Variants in RORA observed in about 807,000 individuals in gnomAD.
RORA encodes nuclear receptor ROR-alpha.
Under a neutral mutation model 69.5 loss-of-function variants are expected in RORA, and 7 were observed. The ratio of observed to expected loss-of-function variants is 0.10; its 90% CI spans 0.06 to 0.19. The LOEUF (loss-of-function observed/expected upper bound fraction) is 0.19, where lower values mean the gene tolerates loss of function less well. Ranked by LOEUF, RORA falls within the 10% of genes least tolerant of loss-of-function variation. RORA has a pLI of 1.00. For synonymous variants in RORA, 261 were observed against 240.8 expected (o/e 1.08, Z -0.78); for missense variants, 457 against 663.0 (o/e 0.69, Z 3.41).
chr15:60,809,913 T>TATCA (rs2072718603), intron 1 of RORA, among the ~76,000 whole-genome samples: 1 of 152,198 alleles, frequency 6.6e-6, no homozygotes, highest in East Asian at 1.9e-4. Flanking sequence ...TCAGGTGTTC[T>TATCA]ATCAGTTTCA....
intron 1 of RORA, among the ~76,000 whole-genome samples, chr15:60,876,743 C>A (rs1012572822): frequency 2.0e-5 from 3 of 152,134 alleles, no homozygotes; most frequent in African/African-American, 7.2e-5. Context: ...TATGGGACAT[C>A]TTCTATGCCT....
intron 1 of RORA, among the ~76,000 whole-genome samples, chr15:61,143,585 T>A (rs970206106): frequency 2.0e-5 from 3 of 152,176 alleles, no homozygotes; most frequent in Non-Finnish European, 4.4e-5. Context: ...CCAACAATCT[T>A]CTGAGGGAAA....
chr15:61,006,820 G>A (rs1470709817), intron 1 of RORA, among the ~76,000 whole-genome samples: 1 of 152,012 alleles, frequency 6.6e-6, no homozygotes, highest in Admixed American at 6.6e-5. Context: ...TTGAATTATT[G>A]TCCTTGGTTT....
chr15:60,628,519 T>C (rs1421329964), intron 2 of RORA, among the ~76,000 whole-genome samples: 1 of 152,168 alleles, frequency 6.6e-6, no homozygotes, highest in Non-Finnish European at 1.5e-5. Context: ...GTATGTTTAC[T>C]GCACCCAGCT....
chr15:60,867,472 C>T (rs942705501), intron 1 of RORA, among the ~76,000 whole-genome samples: 1 of 152,120 alleles, frequency 6.6e-6, no homozygotes, highest in Non-Finnish European at 1.5e-5. Context: ...GGAAAAGAAA[C>T]GCACACATCA....
chr15:60,635,628 C>T (rs1364044886), intron 2 of RORA, among the ~76,000 whole-genome samples: 3 of 152,136 alleles, frequency 2.0e-5, no homozygotes, highest in South Asian at 2.1e-4. Context: ...AGGGAAAGAA[C>T]ACTTTAAAAG....
At chr15:61,034,831 T>G (rs1263392545) in intron 1 of RORA, among the ~76,000 whole-genome samples, 1 of 146,458 alleles carries the variant, frequency 6.8e-6, no homozygotes, top group East Asian at 2.0e-4. Context: ...GGAAGTAGTG[T>G]TACATACTTG....
intron 1 of RORA, among the ~76,000 whole-genome samples, chr15:60,767,624 A>G (rs140325462): frequency 4.0e-5 from 6 of 151,892 alleles, no homozygotes; most frequent in African/African-American, 7.3e-5. Flanking sequence ...CTGAAACTCA[A>G]CTCTGCTCTA....
At chr15:60,991,828 C>T (rs934927014) in intron 1 of RORA, among the ~76,000 whole-genome samples, 1 of 151,970 alleles carries the variant, frequency 6.6e-6, no homozygotes, top group African/African-American at 2.4e-5. Context: ...ATTGCTTGAT[C>T]CCAGGAGGTC....
intron 1 of RORA, among the ~76,000 whole-genome samples, chr15:60,692,463 G>A (rs79884741): frequency 0.011 from 1,636 of 152,224 alleles, 31 homozygotes; most frequent in African/African-American, 0.038. Context: ...GAACACAATA[G>A]CAATCACAAA....
chr15:60,513,806 G>A (rs1004387905), intron 4 of RORA, among the ~76,000 whole-genome samples: 1 of 152,194 alleles, frequency 6.6e-6, no homozygotes, highest in Non-Finnish European at 1.5e-5. Flanking sequence ...AGCCTGCTCC[G>A]CATTCTGAAG....
At chr15:60,679,230 A>G (rs2070604635) in intron 1 of RORA, among the ~76,000 whole-genome samples, 1 of 152,232 alleles carries the variant, frequency 6.6e-6, no homozygotes, top group African/African-American at 2.4e-5. Flanking sequence ...AAGGTCAGAA[A>G]GGGAATCACT....
At chr15:61,103,568 A>T (rs2078910443) in intron 1 of RORA, among the ~76,000 whole-genome samples, 1 of 152,034 alleles carries the variant, frequency 6.6e-6, no homozygotes, top group African/African-American at 2.4e-5. Context: ...GTGCCCACAG[A>T]GTGTCTGGCT....
At chr15:60,886,347 ATGT>A (rs1427395916) in intron 1 of RORA, among the ~76,000 whole-genome samples, 1 of 152,154 alleles carries the variant, frequency 6.6e-6, no homozygotes, top group Non-Finnish European at 1.5e-5. Context: ...GCCCCTGGAT[ATGT>A]TTCCCATCTC....
In RORA at chr15:61,131,408, A is replaced by C. The variant is rs1375757636; in HGVS notation, c.166+97645T>G. Among the ~76,000 whole-genome samples, 1 of 152,186 alleles carries C rather than the reference A, an allele frequency of 6.6e-6. No individual in the cohort carries two copies. On this transcript the variant is annotated intron_variant, in intron 1 of 10. Coordinates refer to ENST00000335670, the MANE Select transcript of RORA (RefSeq NM_134261.3). The surrounding 1 kb of genome is among the most constrained non-coding windows in gnomAD (Gnocchi z 4.2). Reference sequence around the variant, plus strand: ...GATTTCAGCAGCATTTGCTGGAGCAAGGTGACTCCAGCATTTCTCTAGAGG... The same window carrying C: ...GATTTCAGCAGCATTTGCTGGAGCACGGTGACTCCAGCATTTCTCTAGAGG...
intron 1 of RORA, among the ~76,000 whole-genome samples, chr15:61,116,079 C>G (rs1168371810): frequency 6.6e-6 from 1 of 152,054 alleles, no homozygotes; most frequent in Non-Finnish European, 1.5e-5. Context: ...AAAAAACAAA[C>G]AAACAAACAA....
chr15:60,818,659 GCA>G (rs2072849052), intron 1 of RORA, among the ~76,000 whole-genome samples: 1 of 152,204 alleles, frequency 6.6e-6, no homozygotes. Flanking sequence ...AAGAAACTTA[GCA>G]CACAGCTAAA....
In RORA at chr15:61,209,359, T is replaced by A. The variant is rs1246867727; in HGVS notation, c.166+19694A>T. On this transcript the variant is annotated intron_variant, in intron 1 of 10. Coordinates refer to ENST00000335670, the MANE Select transcript of RORA (RefSeq NM_134261.3). ...GTTTCACTACTGTGATTTCAAACAG[T>A]ACAGGAATAGGAAGAGAGGTGACCA... 2.6e-5 allele frequency among the ~76,000 whole-genome samples: 4 copies of A among 151,772 alleles called. No individual in the cohort carries two copies. In the East Asian group the frequency reaches 7.8e-4, roughly 29 times the overall value.
At chr15:60,851,659 T>C (rs1396811770) in intron 1 of RORA, among the ~76,000 whole-genome samples, 1 of 152,126 alleles carries the variant, frequency 6.6e-6, no homozygotes, top group Non-Finnish European at 1.5e-5. Context: ...CCATAAACTG[T>C]CCTTTCTTAA....
Sources: gnomAD v4.1 joint callset for allele counts (sites outside exome capture counted in the v4.1 genomes callset) on GRCh38, gnomAD v4.1.1 for gene constraint, Gnocchi (gnomAD v3.1) non-coding constraint, MANE v1.5 for transcripts, NCBI Gene and HGNC (gene_info 2026-07-23, HGNC 2026-07-21) for gene names.